The following TENM1 variants were observed in gnomAD, a reference collection of about 807,000 sequenced individuals.
TENM1 encodes the protein teneurin transmembrane protein 1.
TENM1 carries 35 observed loss-of-function variants against 174.8 expected under a neutral mutation model. The observed-to-expected ratio is 0.20, with a 90% CI of 0.15 to 0.27. The LOEUF is 0.27. Ranked by LOEUF, TENM1 falls within the 10% of genes least tolerant of loss-of-function variation. The probability of loss-of-function intolerance (pLI) is 1.00; values close to 1 mark genes in which losing one functional copy is unlikely to be tolerated. For missense variants in TENM1, 1,633 were observed against 2,130.1 expected (o/e 0.77, Z 4.59); for synonymous variants, 781 against 798.7 (o/e 0.98, Z 0.37).
intron 3 of TENM1, among the ~76,000 whole-genome samples, chrX:124,829,160 G>A (rs1469184667): frequency 8.9e-6 from 1 of 111,838 alleles, no homozygotes; most frequent in East Asian, 2.8e-4. Flanking sequence ...GAAGATTATG[G>A]CAAAAATAAT....
chrX:124,582,862 C>T (rs1201598580), intron 11 of TENM1, among the ~76,000 whole-genome samples: 1 of 112,385 alleles, frequency 8.9e-6, no homozygotes, highest in Non-Finnish European at 1.9e-5. Context: ...GCTTAAAAAA[C>T]GGCACACCAG....
At chrX:124,616,893 G>A (rs2050410592) in intron 11 of TENM1, among the ~76,000 whole-genome samples, 1 of 111,651 alleles carries the variant, frequency 9.0e-6, no homozygotes, top group African/African-American at 3.3e-5. Flanking sequence ...TGCCCAAGAT[G>A]TGCCTATCTG....
intron 22 of TENM1, among the ~76,000 whole-genome samples, chrX:124,471,432 T>C (rs867744352): frequency 1.7e-5 from 1 of 58,749 alleles, no homozygotes; most frequent in African/African-American, 7.2e-5. Flanking sequence ...TATTATATAT[T>C]ATATAATATA....
intron 21 of TENM1, among the ~76,000 whole-genome samples, chrX:124,484,172 C>T (rs1026513758): frequency 1.8e-4 from 20 of 111,241 alleles, no homozygotes; most frequent in African/African-American, 5.6e-4. Context: ...TACAGTTAGA[C>T]AGGGGTGATA....
At chrX:124,428,790 T>C (rs1397946935) in intron 23 of TENM1, among the ~76,000 whole-genome samples, 1 of 112,178 alleles carries the variant, frequency 8.9e-6, no homozygotes, top group Non-Finnish European at 1.9e-5. Flanking sequence ...CCATTCAATG[T>C]AGCTCCTTTT....
chrX:124,815,073 A>C (rs1248191139), intron 3 of TENM1, among the ~76,000 whole-genome samples: 1 of 111,729 alleles, frequency 9.0e-6, no homozygotes, highest in Admixed American at 9.5e-5. Flanking sequence ...AATCAATTGC[A>C]TGTATTTATG....
chrX:125,123,885 C>T, the TENM1 span, among the ~76,000 whole-genome samples: 1 of 112,381 alleles, frequency 8.9e-6, no homozygotes, highest in Non-Finnish European at 1.9e-5. Context: ...CCATTATTAT[C>T]GAACATATTT....
the TENM1 span, among the ~76,000 whole-genome samples, chrX:125,000,397 C>T: frequency 9.0e-6 from 1 of 111,367 alleles, no homozygotes; most frequent in Non-Finnish European, 1.9e-5. Context: ...ACACTGGGGC[C>T]GTCTTTCTAT....
intron 3 of TENM1, among the ~76,000 whole-genome samples, chrX:124,757,354 G>C (rs1452892204): frequency 8.9e-6 from 1 of 112,614 alleles, no homozygotes; most frequent in Non-Finnish European, 1.9e-5. Flanking sequence ...GAAAAGCGCA[G>C]TATTGGGGTG....
At chrX:124,634,776 A>G (rs1258476572) in intron 11 of TENM1, among the ~76,000 whole-genome samples, 1 of 112,073 alleles carries the variant, frequency 8.9e-6, no homozygotes, top group African/African-American at 3.2e-5. Context: ...ATGTTTTTAA[A>G]GCATATGGTA....
intron 1 of TENM1, among the ~76,000 whole-genome samples, chrX:124,929,613 T>C (rs1368217190): frequency 8.9e-6 from 1 of 112,184 alleles, no homozygotes; most frequent in African/African-American, 3.2e-5. Flanking sequence ...GAGACTCTTA[T>C]GCCAGGTTTT....
At chrX:124,543,928 T>A (rs1447701476) in intron 15 of TENM1, among the ~76,000 whole-genome samples, 8 of 112,470 alleles carry the variant, frequency 7.1e-5, no homozygotes, top group Non-Finnish European at 1.3e-4. Flanking sequence ...GATAAACAAT[T>A]TTTTAGCTTT....
chrX:124,980,069 A>G, the TENM1 span, among the ~76,000 whole-genome samples: 8 of 111,867 alleles, frequency 7.2e-5, no homozygotes, highest in South Asian at 3.0e-3. Flanking sequence ...TCTTGGATTT[A>G]CTTCAAAAAT....
chrX:125,109,531 G>A, the TENM1 span, among the ~76,000 whole-genome samples: 6 of 110,357 alleles, frequency 5.4e-5, no homozygotes, highest in African/African-American at 2.0e-4. Context: ...CCTTCCCATC[G>A]CCCTCCCCAC....
rs553010238 is a variant in TENM1 at position 124,646,520 on chromosome X, C to T, written c.1681+189G>A. On this transcript the variant is annotated intron_variant, in intron 9 of 31. Coordinates refer to ENST00000422452, the Ensembl canonical transcript of TENM1. ...ATTGTAGGAAGTTGGAATTAAAAGA[C>T]GGAACACAAAGTGTTTAGAACAGTG... Among the ~76,000 whole-genome samples the T allele has an allele frequency of 1.2e-4, 13 of 112,261 alleles. No individual in the cohort carries two copies. In the South Asian group the frequency reaches 4.8e-3, roughly 41 times the overall value.
the TENM1 span, among the ~76,000 whole-genome samples, chrX:125,075,446 A>G: frequency 9.0e-6 from 1 of 111,633 alleles, no homozygotes; most frequent in South Asian, 3.7e-4. Context: ...TACTATTATG[A>G]ACATTTGGGC....
chrX:124,664,579 CAA>C (rs2051699970), intron 6 of TENM1, among the ~76,000 whole-genome samples: 2 of 88,588 alleles, frequency 2.3e-5, no homozygotes, highest in Non-Finnish European at 4.4e-5. Context: ...CATACACACA[CAA>C]ACACACCCCT....
At chrX:125,056,130 T>C in the TENM1 span, among the ~76,000 whole-genome samples, 2 of 111,462 alleles carry the variant, frequency 1.8e-5, no homozygotes, top group African/African-American at 6.5e-5. Flanking sequence ...ATATGTGCCA[T>C]GGTTCTTACC....
the TENM1 span, among the ~76,000 whole-genome samples, chrX:124,984,818 A>G: frequency 8.9e-6 from 1 of 112,091 alleles, no homozygotes; most frequent in Non-Finnish European, 1.9e-5. Flanking sequence ...GGAATTTCCT[A>G]TTAATTGTAG....
Sources: gnomAD v4.1 joint callset for allele counts (sites outside exome capture counted in the v4.1 genomes callset) on GRCh38, gnomAD v4.1.1 for gene constraint, MANE v1.5 for transcripts, NCBI Gene and HGNC (gene_info 2026-07-23, HGNC 2026-07-21) for gene names.